Variants in OTULIN observed in about 807,000 individuals in gnomAD.
OTULIN encodes ubiquitin thioesterase otulin.
OTULIN carries 15 observed loss-of-function variants against 39.6 expected under a neutral mutation model. The observed-to-expected ratio is 0.38, with a 90% CI of 0.25 to 0.58. OTULIN has a LOEUF of 0.58. Ranked by LOEUF, OTULIN falls within the 20% of genes least tolerant of loss-of-function variation. The probability of loss-of-function intolerance (pLI) is 0.66; values close to 1 mark genes in which losing one functional copy is unlikely to be tolerated. For synonymous variants in OTULIN, 156 were observed against 170.3 expected (o/e 0.92, Z 0.65); for missense variants, 319 against 445.9 (o/e 0.72, Z 2.56).
intron 1 of OTULIN, among the ~76,000 whole-genome samples, chr5:14,667,083 C>G (rs1263078297): frequency 1.3e-5 from 2 of 152,174 alleles, no homozygotes; most frequent in African/African-American, 4.8e-5. Context: ...AAAATGTTTA[C>G]ACTTAGAAGT....
At chr5:14,682,547 T>C (rs1194652638) in intron 4 of OTULIN, among the ~76,000 whole-genome samples, 1 of 152,152 alleles carries the variant, frequency 6.6e-6, no homozygotes, top group Non-Finnish European at 1.5e-5. Context: ...AGTCTTGTGC[T>C]TAAATTTAAA....
chr5:14,669,566 CT>C (rs1735932359), intron 1 of OTULIN, among the ~76,000 whole-genome samples: 1 of 151,998 alleles, frequency 6.6e-6, no homozygotes, highest in Non-Finnish European at 1.5e-5. Context: ...GAGCCCAGGA[CT>C]TTGAGACCAT....
At chr5:14,679,975 C>T (rs1263686780) in intron 3 of OTULIN, among the ~76,000 whole-genome samples, 1 of 152,226 alleles carries the variant, frequency 6.6e-6, no homozygotes, top group African/African-American at 2.4e-5. Flanking sequence ...ATTAGAGCAT[C>T]TCAGATGCCT....
chr5:14,696,639 G>A lies in OTULIN; in HGVS notation c.*3591G>A, dbSNP rs925612213. 2 of 152,204 alleles carry A rather than the reference G, an allele frequency of 1.3e-5. No homozygotes were observed. The highest frequency in any genetic ancestry group is 6.5e-5 in the Admixed American group (1 of 15,286). 9.4% of individuals were successfully genotyped at this position (152,204 alleles called of 1,614,324 possible). A position where few individuals can be genotyped will look rare whatever the true frequency, so the allele number is the denominator to read the frequency against. The stretch of plus-strand genomic sequence containing the variant: ...AATGCCATTCAAGAACAAAACCACA[G>A]ATGCCATACAGACCTCCTGTGCTTA... On this transcript the variant is annotated 3_prime_UTR_variant, in exon 7 of 7. Transcript: ENST00000284274.
intron 1 of OTULIN, among the ~76,000 whole-genome samples, chr5:14,666,371 CTAG>C (rs1182992765): frequency 1.3e-5 from 2 of 152,074 alleles, no homozygotes; most frequent in African/African-American, 4.8e-5. Context: ...CTGTCTGCTG[CTAG>C]TAGAACTATA....
chr5:14,715,160 T>G, the OTULIN span, among the ~76,000 whole-genome samples: 1 of 152,066 alleles, frequency 6.6e-6, no homozygotes, highest in African/African-American at 2.4e-5. Flanking sequence ...AGACGGAGTT[T>G]CACTCTTATT....
At chr5:14,673,236 C>A (rs1736021602) in intron 1 of OTULIN, among the ~76,000 whole-genome samples, 1 of 152,086 alleles carries the variant, frequency 6.6e-6, no homozygotes, top group African/African-American at 2.4e-5. Flanking sequence ...GGCAATGGGG[C>A]CTGCATTCCT....
intron 5 of OTULIN, among the ~76,000 whole-genome samples, chr5:14,688,999 A>G (rs187832495): frequency 7.2e-5 from 11 of 152,306 alleles, no homozygotes; most frequent in East Asian, 3.9e-4. Context: ...TAACACTTCT[A>G]TGCCAGGCTC....
intron 6 of OTULIN, among the ~76,000 whole-genome samples, chr5:14,691,567 C>G (rs535942337): frequency 1.5e-4 from 22 of 151,266 alleles, no homozygotes; most frequent in African/African-American, 5.3e-4. Flanking sequence ...TTCCGAGACC[C>G]TATAAGGTCT....
chr5:14,701,670 G>T (rs1036444028), downstream of OTULIN, among the ~76,000 whole-genome samples: 1 of 152,190 alleles, frequency 6.6e-6, no homozygotes, highest in African/African-American at 2.4e-5. Flanking sequence ...GCAGAGTCAG[G>T]GAGTTCAGAC....
chr5:14,683,362 T>C (rs567787076), intron 4 of OTULIN, among the ~76,000 whole-genome samples: 68 of 152,376 alleles, frequency 4.5e-4, no homozygotes, highest in African/African-American at 1.6e-3. Context: ...TTCTTTCATA[T>C]AGAGGCAAGA....
At chr5:14,711,402 G>A in the OTULIN span, 2 of 1,114,176 alleles carry the variant, frequency 1.8e-6, no homozygotes, top group Non-Finnish European at 1.4e-6. Flanking sequence ...GGGTCTTGGG[G>A]GACCCCTCAC....
intron 4 of OTULIN, among the ~76,000 whole-genome samples, chr5:14,687,131 C>T (rs149624504): frequency 8.5e-5 from 13 of 152,260 alleles, no homozygotes; most frequent in African/African-American, 3.1e-4. Flanking sequence ...CTCACATGCT[C>T]AGAAGCACTG....
the OTULIN span, among the ~76,000 whole-genome samples, chr5:14,712,259 GCTGCCCCGGCCTGTTCACTCT>G: frequency 6.6e-6 from 1 of 152,210 alleles, no homozygotes; most frequent in Admixed American, 6.5e-5. Context: ...CCGTCACTCT[GCTGCCCCGGCCTGTTCACTCT>G]GCTACTCTCT....
the OTULIN span, chr5:14,713,760 G>T: frequency 6.3e-7 from 1 of 1,574,802 alleles, no homozygotes; most frequent in Non-Finnish European, 8.7e-7. The surrounding 1 kb of genome is among the most constrained non-coding windows in gnomAD (Gnocchi z 4.4). Context: ...CGAGAGCCAG[G>T]GGCTGCCTAG....
At position 14,697,904 on chromosome 5, in the gene OTULIN, A is replaced by G. The variant is rs1341579413; in HGVS notation, c.*4856A>G. 3.3e-5 allele frequency: 5 copies of G among 152,184 alleles called. No individual in the cohort carries two copies. Among genetic ancestry groups the G allele is most frequent in the Non-Finnish European group, 7.3e-5 (5 of 68,036 alleles). The allele number at this position is 152,184 out of a possible 1,614,324, so 9.4% of individuals were successfully genotyped here. A position where few individuals can be genotyped will look rare whatever the true frequency, so the allele number is the denominator to read the frequency against. ...TACTTGAGCTTAATTCTGAACTTCA[A>G]AGTAATATTTTATACTTAATTTTAG... On this transcript the variant is annotated 3_prime_UTR_variant, in exon 7 of 7. Transcript: ENST00000284274.
the OTULIN span, chr5:14,713,485 C>G: frequency 2.5e-6 from 4 of 1,607,368 alleles, no homozygotes; most frequent in African/African-American, 4.0e-5. This position sits in a 1 kb window ranked among gnomAD's most constrained non-coding sequence, Gnocchi z 4.4. Flanking sequence ...TGTTAAACCT[C>G]TGGACACAGT....
In OTULIN at chr5:14,664,937, A is replaced by ACGGC; in HGVS notation, c.112_113insCGGC (p.Ser38ThrfsTer16). 8.7e-7 allele frequency: 1 copy of ACGGC among 1,148,646 alleles called. No individual in the cohort carries two copies. The allele number at this position is 1,148,646 out of a possible 1,614,324, so 71.2% of individuals were successfully genotyped here. A position where few individuals can be genotyped will look rare whatever the true frequency, so the allele number is the denominator to read the frequency against. ...GCGGGACGGCGGGAAGGCGGCGGCCAGCGGGCAGCCGCGGCCCGAGATGCA... is the reference window on the plus strand; with the variant it reads ...GCGGGACGGCGGGAAGGCGGCGGCCACGGCGCGGGCAGCCGCGGCCCGAGATGCA... On this transcript the variant is annotated frameshift_variant, in exon 1 of 7. Transcript: ENST00000284274. LOFTEE classifies it high-confidence loss of function.
At chr5:14,684,144 G>T (rs1736327254) in intron 4 of OTULIN, among the ~76,000 whole-genome samples, 1 of 152,114 alleles carries the variant, frequency 6.6e-6, no homozygotes, top group African/African-American at 2.4e-5. Flanking sequence ...ACTTGGTTTG[G>T]TTTTTGTCAT....
Sources: gnomAD v4.1 joint callset for allele counts (sites outside exome capture counted in the v4.1 genomes callset) on GRCh38, gnomAD v4.1.1 for gene constraint, Gnocchi (gnomAD v3.1) non-coding constraint, MANE v1.5 for transcripts, NCBI Gene and HGNC (gene_info 2026-07-23, HGNC 2026-07-21) for gene names.